The following NBPF9 variants were observed in gnomAD, a reference collection of about 807,000 sequenced individuals.
NBPF9 encodes NBPF member 9.
A neutral mutation model predicts 97.8 loss-of-function variants in NBPF9; 91 were observed. The observed-to-expected ratio is 0.93, with a 90% CI of 0.79 to 1.11. The LOEUF (loss-of-function observed/expected upper bound fraction) is 1.11, where lower values mean the gene tolerates loss of function less well. NBPF9 is among the 50% of genes least tolerant of loss of function. NBPF9 has a pLI of 0.00. For synonymous variants in NBPF9, 334 were observed against 359.5 expected, an observed-to-expected ratio of 0.93 and a Z score of 0.80; for missense variants, 992 against 939.5, an observed-to-expected ratio of 1.06 and a Z score of -0.73.
chr1:149,072,875 C>A (rs587709831), exon 14 of NBPF9: 1 of 1,606,380 alleles, frequency 6.2e-7, no homozygotes, highest in Non-Finnish European at 8.5e-7. Context: ...CTTCCCGCAA[C>A]TTCTCCCTTA....
At position 149,064,436 on chromosome 1, in the gene NBPF9, A is replaced by T. The variant is rs587618377; in HGVS notation, c.1848T>A (p.Gly616=). The change falls in exon 19 of 30, where the codon GGT becomes GGA. Residue 616 remains glycine, a synonymous_variant. Transcript: ENST00000584027. Reference sequence around the variant, plus strand: ...CCACAATTTCTCAGACTCACCTGGGACCTGTTGCCTCTTGGTCCTCCTTTT... The same window carrying T: ...CCACAATTTCTCAGACTCACCTGGGTCCTGTTGCCTCTTGGTCCTCCTTTT... The T allele has an allele frequency of 5.3e-6, 6 of 1,139,508 alleles. 1 individual carries two copies. Among genetic ancestry groups the T allele is most frequent in the South Asian group, 5.0e-5 (4 of 80,228 alleles). The allele number at this position is 1,139,508 out of a possible 1,614,324, so 70.6% of individuals were successfully genotyped here.
chr1:149,071,260 G>A lies in NBPF9; in HGVS notation c.1380-121C>T, dbSNP rs587658483. 9.0e-6 allele frequency: 12 copies of A among 1,338,310 alleles called. No homozygotes were observed. In the East Asian group the frequency reaches 9.3e-5, roughly 10 times the overall value. 82.9% of individuals were successfully genotyped at this position (1,338,310 alleles called of 1,614,324 possible). On this transcript the variant is annotated intron_variant, in intron 15 of 29. Coordinates refer to ENST00000584027, the Ensembl canonical transcript of NBPF9. ...GAGTGGTCCCAGAAAGCAAAATGGA[G>A]GTTCCCATTAAGAGGGAACAGGTAA... is the stretch of plus-strand genomic sequence containing the variant.
rs1196143258 is a variant in NBPF9, at chr1:149,058,318, T to C, written c.2759-103A>G. The stretch of plus-strand genomic sequence containing the variant: ...CACAGGGATCTCAGGCTCCTCAGCA[T>C]GAGAACAGGACAATGTGACAGATAT... On this transcript the variant is annotated intron_variant, in intron 26 of 29. Coordinates refer to ENST00000584027, the Ensembl canonical transcript of NBPF9. 2.7e-5 allele frequency: 12 copies of C among 446,736 alleles called. 1 individual carries two copies. The African/African-American group carries it at 5.0e-4, about 19-fold the overall frequency. The allele number at this position is 446,736 out of a possible 1,614,324, so 27.7% of individuals were successfully genotyped here.
At chr1:149,057,725 A>T (rs1428429428) in intron 27 of NBPF9, among the ~76,000 whole-genome samples, 43 of 93,698 alleles carry the variant, frequency 4.6e-4, no homozygotes, top group Non-Finnish European at 8.2e-4. Flanking sequence ...ACACACACAC[A>T]CACACACACA....
In NBPF9 at chr1:149,097,460, T is replaced by C. The variant is rs2081858473; in HGVS notation, c.-337+978A>G. Among the ~76,000 whole-genome samples the C allele has an allele frequency of 1.3e-5, 2 of 152,314 alleles. 1 individual carries two copies. The highest frequency in any genetic ancestry group is 4.1e-4 in the South Asian group (2 of 4,828). ...CCAAAGAAAGAGATGAGACAGTGGA[T>C]CCCAGAACACCAGGCCGCAACCTTC... On this transcript the variant is annotated intron_variant, in intron 4 of 29. Transcript: ENST00000584027.
At position 149,072,809 on chromosome 1, in the gene NBPF9, A is replaced by T. The variant is rs587696136; in HGVS notation, c.1215T>A (p.Asp405Glu). 360 of 1,592,482 alleles carry T rather than the reference A, an allele frequency of 2.3e-4. 1 individual carries two copies. The African/African-American group carries it at 4.3e-3, about 19-fold the overall frequency. Reference sequence around the variant, plus strand: ...CCTGCCCCTGGGACTTGTCCGGCTCATCCGGAGTGAGGAGGGCCTGGAGAT... The same window carrying T: ...CCTGCCCCTGGGACTTGTCCGGCTCTTCCGGAGTGAGGAGGGCCTGGAGAT... Residue 405 changes from aspartate (D) to glutamate (E), a missense_variant, in exon 14 of 30, where the codon GAT becomes GAA. Transcript: ENST00000584027.
chr1:149,056,381 C>T, intron 29 of NBPF9, 131 bp downstream of exon 29: 4 of 226,196 alleles, frequency 1.8e-5, no homozygotes, highest in Non-Finnish European at 2.3e-5. Flanking sequence ...GCAATGAAAA[C>T]CAACAGCAAT....
intron 14 of NBPF9, among the ~76,000 whole-genome samples, chr1:149,072,360 TA>T (rs1210267141): frequency 6.6e-6 from 1 of 152,272 alleles, no homozygotes; most frequent in Admixed American, 6.5e-5. Context: ...TGACAGTAAC[TA>T]AGAACATTGC....
chr1:149,100,567 A>G (rs1427594638), intron 3 of NBPF9, among the ~76,000 whole-genome samples: 15 of 151,826 alleles, frequency 9.9e-5, no homozygotes, highest in East Asian at 1.9e-4. Context: ...AAAAAGTGCC[A>G]AACAGTGCAG....
intron 5 of NBPF9, among the ~76,000 whole-genome samples, chr1:149,087,749 T>G: frequency 6.6e-6 from 1 of 150,680 alleles, no homozygotes; most frequent in East Asian, 2.0e-4. Flanking sequence ...TCCCCACTAA[T>G]TTAGTTCTTT....
At chr1:149,084,338 A>G (rs868985578) in intron 5 of NBPF9, among the ~76,000 whole-genome samples, 38 of 147,852 alleles carry the variant, frequency 2.6e-4, no homozygotes, top group Middle Eastern at 7.1e-3. Context: ...ACATGAATAT[A>G]TATAATATAT....
chr1:149,078,891 A>T, intron 9 of NBPF9, 116 bp downstream of exon 9: 1 of 1,587,918 alleles, frequency 6.3e-7, no homozygotes, highest in Non-Finnish European at 8.6e-7. Context: ...TGTCATGGCC[A>T]CATATGTGTA....
At chr1:149,093,796 ACTT>A (rs1408999367) in intron 4 of NBPF9, among the ~76,000 whole-genome samples, 2 of 123,466 alleles carry the variant, frequency 1.6e-5, no homozygotes, top group Admixed American at 8.5e-5. Flanking sequence ...TCTTATGTCT[ACTT>A]CTTCCTACAC....
intron 12 of NBPF9, among the ~76,000 whole-genome samples, chr1:149,074,324 T>A (rs1452558963): frequency 0.1 from 15,430 of 150,292 alleles, 1,586 homozygotes; most frequent in East Asian, 0.47. Context: ...AAAGATTTTT[T>A]AAATCTTTGA....
intron 9 of NBPF9, 69 bp downstream of exon 9, chr1:149,078,938 A>T: frequency 1.7e-5 from 26 of 1,534,824 alleles, no homozygotes; most frequent in Non-Finnish European, 2.1e-5. Flanking sequence ...TGTCATTGTG[A>T]AAGTATGGAG....
At position 149,089,160 on chromosome 1, in the gene NBPF9, C is replaced by T. The variant is rs1433626522; in HGVS notation, c.-195+1593G>A. ...GAGGGCAAATCCATGCGGCATCTCCCGCCATGACCTCCAGCCTGCAGAGGA... is the reference window on the plus strand; with the variant it reads ...GAGGGCAAATCCATGCGGCATCTCCTGCCATGACCTCCAGCCTGCAGAGGA... On this transcript the variant is annotated intron_variant, in intron 5 of 29. Transcript: ENST00000584027. Among the ~76,000 whole-genome samples, 5 of 152,274 alleles carry T rather than the reference C, an allele frequency of 3.3e-5. No individual in the cohort carries two copies. In the East Asian group the frequency reaches 7.7e-4, roughly 24 times the overall value.
At position 149,073,057 on chromosome 1, in the gene NBPF9, T is replaced by G. The variant is rs1380553330; in HGVS notation, c.1092-125A>C. On this transcript the variant is annotated intron_variant, in intron 13 of 29. Transcript: ENST00000584027. The stretch of plus-strand genomic sequence containing the variant: ...CTCGAAGCAGAAGGTCAGCACATGT[T>G]TAAAGGAATGTCTGTGGCCAAGAGA... 22 of 882,616 alleles carry G rather than the reference T, an allele frequency of 2.5e-5. 2 individuals carry two copies. Among genetic ancestry groups the G allele is most frequent in the South Asian group, 9.7e-5 (7 of 72,406 alleles). The allele number at this position is 882,616 out of a possible 1,614,324, so 54.7% of individuals were successfully genotyped here.
At chr1:149,081,014 G>A (rs1184983487) in intron 7 of NBPF9, among the ~76,000 whole-genome samples, 17 of 151,848 alleles carry the variant, frequency 1.1e-4, no homozygotes, top group Non-Finnish European at 1.6e-4. Context: ...ACACATTCTC[G>A]GGTGTGATCT....
intron 3 of NBPF9, among the ~76,000 whole-genome samples, chr1:149,100,829 G>A (rs1200946804): frequency 6.6e-6 from 1 of 151,840 alleles, no homozygotes; most frequent in Non-Finnish European, 1.5e-5. Flanking sequence ...CAGCTACTCA[G>A]GAGGCTGAGG....
Sources: allele counts gnomAD v4.1 joint callset (sites outside exome capture counted in the v4.1 genomes callset), GRCh38; gene constraint gnomAD v4.1.1; transcripts MANE v1.5; gene names NCBI Gene and HGNC (gene_info 2026-07-23, HGNC 2026-07-21).